Variants in OSBPL10 observed in about 807,000 individuals in gnomAD.
OSBPL10 encodes oxysterol-binding protein-related protein 10.
A neutral mutation model predicts 81.7 loss-of-function variants in OSBPL10; 49 were observed. That is an observed-to-expected ratio of 0.60 (90% confidence interval 0.48 to 0.76). The LOEUF (loss-of-function observed/expected upper bound fraction) is 0.76, where lower values mean the gene tolerates loss of function less well. Ranked by LOEUF, OSBPL10 falls within the 30% of genes least tolerant of loss-of-function variation. The pLI, the probability that OSBPL10 is intolerant of heterozygous loss-of-function variation, is 0.00. For synonymous variants in OSBPL10, 419 were observed against 383.6 expected (o/e 1.09, Z -1.08); for missense variants, 923 against 987.8 (o/e 0.93, Z 0.88).
intron 2 of OSBPL10, among the ~76,000 whole-genome samples, chr3:31,998,454 C>T (rs888931524): frequency 3.3e-5 from 5 of 152,156 alleles, no homozygotes; most frequent in African/African-American, 1.2e-4. Flanking sequence ...CCCCCAGCAT[C>T]AGGCTTATTT....
At chr3:31,921,767 A>G (rs1696922683) in intron 1 of OSBPL10, among the ~76,000 whole-genome samples, 1 of 152,206 alleles carries the variant, frequency 6.6e-6, no homozygotes, top group African/African-American at 2.4e-5. Context: ...GGAGCACAGT[A>G]TGAAAAGGAC....
chr3:31,921,010 A>T (rs1172670731), intron 1 of OSBPL10, among the ~76,000 whole-genome samples: 3 of 152,204 alleles, frequency 2.0e-5, no homozygotes, highest in African/African-American at 4.8e-5. Flanking sequence ...CAGGTATTCC[A>T]TTATAGCAAC....
At chr3:31,820,778 C>T (rs1699964936) in intron 4 of OSBPL10, among the ~76,000 whole-genome samples, 1 of 152,078 alleles carries the variant, frequency 6.6e-6, no homozygotes, top group Admixed American at 6.5e-5. Flanking sequence ...ACTTTAACTC[C>T]TAAGGAGATG....
rs535500042 is a variant in OSBPL10 at position 31,662,765 on chromosome 3, T to C, written c.2251-649A>G. ...CTCAGGAAGAACTGTAAATGTTTTT[T>C]CTTGTTGTTGTTGCTGTTTAATGCA... On this transcript the variant is annotated intron_variant, in intron 11 of 11. Coordinates refer to ENST00000396556, the MANE Select transcript of OSBPL10 (RefSeq NM_017784.5). The C allele has an allele frequency of 4.4e-5, 43 of 985,422 alleles. No individual in the cohort carries two copies. The South Asian group carries it at 1.9e-3, about 44-fold the overall frequency. The allele number at this position is 985,422 out of a possible 1,614,324, so 61.0% of individuals were successfully genotyped here.
intron 1 of OSBPL10, among the ~76,000 whole-genome samples, chr3:32,070,910 C>G (rs1699823917): frequency 6.6e-6 from 1 of 152,272 alleles, no homozygotes; most frequent in South Asian, 2.1e-4. Flanking sequence ...TGACACCCAT[C>G]AGTCCCAGCA....
At chr3:31,987,786 C>T (rs896943066) in intron 2 of OSBPL10, among the ~76,000 whole-genome samples, 3 of 152,156 alleles carry the variant, frequency 2.0e-5, no homozygotes, top group Non-Finnish European at 4.4e-5. Context: ...AAGACTGGGA[C>T]ATTTATAAGC....
intron 4 of OSBPL10, 89 bp from the exon 5 acceptor site, chr3:31,748,209 A>C: frequency 8.7e-7 from 1 of 1,144,822 alleles, no homozygotes. Context: ...GAAGTGGGTA[A>C]AACTAGGTGA....
chr3:31,908,606 G>A lies in OSBPL10; in HGVS notation c.282-28776C>T, dbSNP rs75366093. ...ATTGTGTCGGATGTAGTTCACTAGT[G>A]AGGATGAGGTTAAGGAAACTACTGG... is the stretch of plus-strand genomic sequence containing the variant. On this transcript the variant is annotated intron_variant, in intron 1 of 11. Coordinates refer to ENST00000396556, the MANE Select transcript of OSBPL10 (RefSeq NM_017784.5). 9.4e-3 allele frequency among the ~76,000 whole-genome samples: 1,429 copies of A among 152,286 alleles called. 12 individuals are homozygous for A. The highest frequency in any genetic ancestry group is 0.052 in the South Asian group (249 of 4,820).
rs1233277822 is a variant in OSBPL10, at chr3:31,961,905, TG to T, written c.281+18993del. Among the ~76,000 whole-genome samples the T allele has an allele frequency of 2.9e-3, 340 of 117,222 alleles. 2 individuals are homozygous for T. Among genetic ancestry groups the T allele is most frequent in the African/African-American group, 0.016 (324 of 19,872 alleles). The allele number at this position is 117,222 out of a possible 152,430, so 76.9% of individuals were successfully genotyped here. On this transcript the variant is annotated intron_variant, in intron 1 of 11. Transcript: ENST00000396556. ...AATTTTGGCATCACCAGTTTTGTTTTGGTTTTTTTTTTTTTAAGAGTTTTTT... is the reference window on the plus strand; with the variant it reads ...AATTTTGGCATCACCAGTTTTGTTTTGTTTTTTTTTTTTTAAGAGTTTTTT...
At chr3:31,973,479 G>T (rs1379060908) in intron 1 of OSBPL10, among the ~76,000 whole-genome samples, 2 of 152,196 alleles carry the variant, frequency 1.3e-5, no homozygotes, top group Non-Finnish European at 2.9e-5. Context: ...GCCTGTGGTG[G>T]CCTCACAACA....
At chr3:31,758,732 T>C (rs774607379) in intron 4 of OSBPL10, among the ~76,000 whole-genome samples, 1 of 152,256 alleles carries the variant, frequency 6.6e-6, no homozygotes, top group African/African-American at 2.4e-5. Flanking sequence ...TTTTTGAACA[T>C]GGATCTCATG....
At chr3:31,778,674 A>T (rs1698610854) in intron 4 of OSBPL10, among the ~76,000 whole-genome samples, 1 of 152,162 alleles carries the variant, frequency 6.6e-6, no homozygotes, top group African/African-American at 2.4e-5. Context: ...CTTGCAAGAG[A>T]TCTAGACATC....
At chr3:31,997,120 G>A (rs1699097160) in intron 2 of OSBPL10, among the ~76,000 whole-genome samples, 1 of 152,134 alleles carries the variant, frequency 6.6e-6, no homozygotes, top group South Asian at 2.1e-4. Flanking sequence ...CACACATTAT[G>A]CAGTAAATTA....
intron 3 of OSBPL10, among the ~76,000 whole-genome samples, chr3:31,840,500 C>G (rs561519495): frequency 6.6e-6 from 1 of 152,330 alleles, no homozygotes; most frequent in Admixed American, 6.5e-5. Context: ...CCTACAGGAG[C>G]TGTGGAATAA....
intron 3 of OSBPL10, among the ~76,000 whole-genome samples, chr3:31,874,523 G>C (rs1701402393): frequency 6.6e-6 from 1 of 151,976 alleles, no homozygotes; most frequent in African/African-American, 2.4e-5. Context: ...CAAATCAAGA[G>C]GAAAAAATGA....
chr3:32,034,565 A>T (rs1699501166), intron 2 of OSBPL10, among the ~76,000 whole-genome samples: 1 of 152,238 alleles, frequency 6.6e-6, no homozygotes. Context: ...GAACAGAAGA[A>T]GAATCAACAC....
chr3:31,817,437 G>A (rs772177048), intron 4 of OSBPL10, among the ~76,000 whole-genome samples: 22 of 152,282 alleles, frequency 1.4e-4, no homozygotes, highest in African/African-American at 4.1e-4. Context: ...GGCTGCACCA[G>A]GGAGTTCCCA....
chr3:31,899,635 G>C (rs1334493235), intron 1 of OSBPL10, among the ~76,000 whole-genome samples: 1 of 152,148 alleles, frequency 6.6e-6, no homozygotes, highest in African/African-American at 2.4e-5. Flanking sequence ...CTTGAGACCA[G>C]CCTGGGCAAA....
chr3:31,929,377 G>A (rs1409347140), intron 1 of OSBPL10, among the ~76,000 whole-genome samples: 1 of 152,186 alleles, frequency 6.6e-6, no homozygotes, highest in Non-Finnish European at 1.5e-5. Flanking sequence ...TGTAAAATAT[G>A]TGGCTTTAAT....
Sources: allele counts gnomAD v4.1 joint callset (sites outside exome capture counted in the v4.1 genomes callset), GRCh38; gene constraint gnomAD v4.1.1; transcripts MANE v1.5; gene names NCBI Gene and HGNC (gene_info 2026-07-23, HGNC 2026-07-21).